MOCOS: variants seen among roughly 807,000 people sequenced by gnomAD.
The protein encoded by MOCOS is human molybdenum cofactor sulfurase.
MOCOS carries 86 observed loss-of-function variants against 83.6 expected under a neutral mutation model. That is an observed-to-expected ratio of 1.03 (90% CI 0.86 to 1.23). The LOEUF (loss-of-function observed/expected upper bound fraction) is 1.23, where lower values mean the gene tolerates loss of function less well. MOCOS is among the 50% of genes most tolerant of loss of function. The probability of loss-of-function intolerance (pLI) is 0.00; values close to 1 mark genes in which losing one functional copy is unlikely to be tolerated. For missense variants in MOCOS, 1,120 were observed against 1,126.9 expected (o/e 0.99, Z 0.09); for synonymous variants, 445 against 434.7 (o/e 1.02, Z -0.29).
chr18:36,249,598 G>A (rs1952913958), intron 10 of MOCOS, among the ~76,000 whole-genome samples: 1 of 152,040 alleles, frequency 6.6e-6, no homozygotes, highest in Non-Finnish European at 1.5e-5. Flanking sequence ...TGATTTGCAT[G>A]TTGAGAAGAC....
At chr18:36,199,556 G>A (rs2091402947) in intron 3 of MOCOS, 127 bp from the exon 4 acceptor site, 20 of 1,469,426 alleles carry the variant, frequency 1.4e-5, no homozygotes, top group South Asian at 4.7e-5. Flanking sequence ...CCCTAATTTC[G>A]CAGCTGTGGC....
rs1355362250 is a variant in MOCOS, at chr18:36,205,169, G to A, written c.1111G>A (p.Val371Met). 3 of 1,613,844 alleles carry A rather than the reference G, an allele frequency of 1.9e-6. No homozygotes were observed. The highest frequency in any genetic ancestry group is 3.3e-5 in the Admixed American group (2 of 59,996). ...SSLQYPNGAP[V>M]VRIYSDSEFS... ...TCTCCAGTACCCCAATGGAGCCCCTGTGGTGCGGATTTACAGCGATTCTGA... is the reference window on the plus strand; with the variant it reads ...TCTCCAGTACCCCAATGGAGCCCCTATGGTGCGGATTTACAGCGATTCTGA... Residue 371 changes from valine to methionine, a missense_variant, in exon 6 of 15, where the codon GTG becomes ATG. Physicochemically the swap from Val to Met is conservative, Grantham distance 21. Transcript: ENST00000261326.
intron 9 of MOCOS, among the ~76,000 whole-genome samples, chr18:36,244,146 C>A (rs1028069635): frequency 6.7e-6 from 1 of 149,954 alleles, no homozygotes. Flanking sequence ...TTTGTTATTT[C>A]TTTTTTTTTC....
chr18:36,199,457 A>G (rs1437451621), intron 3 of MOCOS, among the ~76,000 whole-genome samples: 34 of 152,246 alleles, frequency 2.2e-4, no homozygotes, highest in Non-Finnish European at 1.3e-4. Flanking sequence ...TTTTTGTCAT[A>G]CATATCCAAT....
intron 2 of MOCOS, among the ~76,000 whole-genome samples, chr18:36,198,016 G>A (rs2091396461): frequency 6.6e-6 from 1 of 152,110 alleles, no homozygotes; most frequent in Admixed American, 6.5e-5. Context: ...GTATATTCTT[G>A]TGTCTGGAGT....
In MOCOS at chr18:36,268,950, A is replaced by T; in HGVS notation, c.*265A>T. On this transcript the variant is annotated 3_prime_UTR_variant, in exon 15 of 15. Coordinates refer to ENST00000261326, the MANE Select transcript of MOCOS (RefSeq NM_017947.4). ...GGCTCCTGTAGGTATTTGAAGTATA[A>T]TCACTTGTAATCAGATGAAATTTTT... The T allele has an allele frequency of 2.2e-6, 1 of 453,678 alleles. No individual in the cohort carries two copies. The highest frequency in any genetic ancestry group is 4.0e-6 in the Non-Finnish European group (1 of 252,722). The allele number at this position is 453,678 out of a possible 1,614,324, so 28.1% of individuals were successfully genotyped here.
intron 9 of MOCOS, among the ~76,000 whole-genome samples, chr18:36,243,962 A>G (rs1055894381): frequency 2.0e-5 from 3 of 151,990 alleles, no homozygotes; most frequent in African/African-American, 7.2e-5. Context: ...CAATTGTAAT[A>G]TTGCCCATTT....
chr18:36,235,760 G>T lies in MOCOS; in HGVS notation c.1961-13162G>T, dbSNP rs1399736012. Among the ~76,000 whole-genome samples the T allele has an allele frequency of 2.7e-5, 4 of 149,336 alleles. No individual in the cohort carries two copies. The Admixed American group carries it at 2.7e-4, about 10-fold the overall frequency. On this transcript the variant is annotated intron_variant, in intron 9 of 14. Coordinates refer to ENST00000261326, the MANE Select transcript of MOCOS (RefSeq NM_017947.4). Reference sequence around the variant, plus strand: ...ACAGTCCCAACAACAGTGTAAAAGTGTTCCTATTTCTCCACATCCTCTCCA... The same window carrying T: ...ACAGTCCCAACAACAGTGTAAAAGTTTTCCTATTTCTCCACATCCTCTCCA...
intron 9 of MOCOS, among the ~76,000 whole-genome samples, chr18:36,229,361 T>G: frequency 6.6e-6 from 1 of 152,206 alleles, no homozygotes; most frequent in East Asian, 1.9e-4. Flanking sequence ...AAATTTCTGC[T>G]GAAAAAAATC....
Position 36,215,910 on chromosome 18 carries a change from G to A in MOCOS, c.1730G>A (p.Gly577Glu), listed in dbSNP as rs200178020. ...GAGAAAGCTGCAGGAGTCCTGGAGG[G>A]GGCCCTTGGGCCACATGTTGTCACT... ...PSEKAAGVLE[G>E]ALGPHVVTNL... is the part of the protein sequence containing the mutation. Residue 577 changes from glycine to glutamate, a missense_variant, in exon 8 of 15, where the codon GGG becomes GAG. Gly to Glu is a moderately conservative substitution (Grantham distance 98). Transcript: ENST00000261326. The A allele has an allele frequency of 2.3e-4, 367 of 1,613,628 alleles. No homozygotes were observed. The highest frequency in any genetic ancestry group is 2.9e-4 in the Non-Finnish European group (346 of 1,179,712).
rs1178481797 is a variant in MOCOS at position 36,205,020 on chromosome 18, T to C, written c.1019-57T>C. On this transcript the variant is annotated intron_variant, in intron 5 of 14. Coordinates refer to ENST00000261326, the MANE Select transcript of MOCOS (RefSeq NM_017947.4). ...TCAAAAAAAAAAAAAAAAAAAAGAG[T>C]GAATTGAGAATTTACATAAAGCTCA... 5.1e-6 allele frequency: 3 copies of C among 591,580 alleles called. No individual in the cohort carries two copies. The African/African-American group carries it at 9.3e-5, about 18-fold the overall frequency. The allele number at this position is 591,580 out of a possible 1,614,324, so 36.6% of individuals were successfully genotyped here. A position where few individuals can be genotyped will look rare whatever the true frequency, so the allele number is the denominator to read the frequency against.
Position 36,220,066 on chromosome 18 carries a change from G to A in MOCOS, c.1809G>A (p.Trp603Ter), listed in dbSNP as rs1699077839. 11 of 1,612,912 alleles carry A rather than the reference G, an allele frequency of 6.8e-6. No homozygotes were observed. Among genetic ancestry groups the A allele is most frequent in the Non-Finnish European group, 8.5e-6 (10 of 1,180,016 alleles). ...ACCTTTTTGTTTAGGTGACCAGGTG[G>A]CCTGTAGGAAACCAAGGGCTGCTAT... ...KSCAAFEVTR[W>*]PVGNQGLLYD... The change falls in exon 9 of 15, where the codon TGG becomes TGA. Residue 603 changes from tryptophan to a stop codon, truncating the protein, a stop_gained. Transcript: ENST00000261326. LOFTEE classifies it high-confidence loss of function.
At chr18:36,230,599 G>A (rs932926479) in intron 9 of MOCOS, among the ~76,000 whole-genome samples, 5 of 152,300 alleles carry the variant, frequency 3.3e-5, no homozygotes, top group Admixed American at 3.3e-4. Flanking sequence ...TCTTGCGAGT[G>A]GCTTCACTGT....
In MOCOS at chr18:36,215,378, C is replaced by G. The variant is rs12457201; in HGVS notation, c.1336-138C>G. ...GTAGAGAGCTGAACTATGTCCCAGA[C>G]GCACAGCACATATTAATGTTGCAGT... is the stretch of plus-strand genomic sequence containing the variant. On this transcript the variant is annotated intron_variant, in intron 7 of 14. Coordinates refer to ENST00000261326, the MANE Select transcript of MOCOS (RefSeq NM_017947.4). 3.6e-6 allele frequency: 3 copies of G among 825,978 alleles called. No homozygotes were observed. In the Admixed American group the frequency reaches 6.0e-5, roughly 17 times the overall value. 51.2% of individuals were successfully genotyped at this position (825,978 alleles called of 1,614,324 possible).
intron 6 of MOCOS, among the ~76,000 whole-genome samples, chr18:36,209,304 G>T (rs547275311): frequency 2.6e-5 from 4 of 151,930 alleles, no homozygotes; most frequent in African/African-American, 7.2e-5. Context: ...TCAGCTTCCC[G>T]AGTAGCTGGG....
intron 9 of MOCOS, among the ~76,000 whole-genome samples, chr18:36,239,624 C>T (rs910962430): frequency 6.8e-6 from 1 of 146,406 alleles, no homozygotes; most frequent in African/African-American, 2.6e-5. Flanking sequence ...TGGAGTTGCT[C>T]TTCTCGAGGA....
intron 9 of MOCOS, among the ~76,000 whole-genome samples, chr18:36,237,953 G>T (rs1302936618): frequency 6.6e-6 from 1 of 152,220 alleles, no homozygotes; most frequent in African/African-American, 2.4e-5. Flanking sequence ...ACGGTAGTTT[G>T]TATTTCTGTG....
At chr18:36,203,944 C>T (rs2091424547) in intron 5 of MOCOS, among the ~76,000 whole-genome samples, 1 of 152,182 alleles carries the variant, frequency 6.6e-6, no homozygotes, top group African/African-American at 2.4e-5. Context: ...CCCCAAACTG[C>T]AGGTGACAGT....
At chr18:36,240,528 T>C (rs9956475) in intron 9 of MOCOS, among the ~76,000 whole-genome samples, 82,988 of 146,066 alleles carry the variant, frequency 0.57, 24,491 homozygotes, top group African/African-American at 0.69. Context: ...AGAACCACTA[T>C]TCTCTTCAAA....
Sources: allele counts gnomAD v4.1 joint callset (sites outside exome capture counted in the v4.1 genomes callset), GRCh38; gene constraint gnomAD v4.1.1; transcripts MANE v1.5; gene names NCBI Gene and HGNC (gene_info 2026-07-23, HGNC 2026-07-21).